The following PALD1 variants were observed in gnomAD, a reference collection of about 807,000 sequenced individuals.
PALD1 encodes the protein phosphatase domain containing paladin 1, also known as paladin.
PALD1 carries 57 observed loss-of-function variants against 96.0 expected under a neutral mutation model. The ratio of observed to expected loss-of-function variants is 0.59; its 90% confidence interval spans 0.48 to 0.74. The LOEUF (loss-of-function observed/expected upper bound fraction) is 0.74. Among genes scored for constraint, PALD1 ranks in the 30% least tolerant of loss-of-function variants. The probability of loss-of-function intolerance (pLI) is 0.00; values close to 1 mark genes in which losing one functional copy is unlikely to be tolerated. For missense variants in PALD1, 1,063 were observed against 1,143.7 expected, an observed-to-expected ratio of 0.93 and a Z score of 1.02; for synonymous variants, 464 against 473.6, an observed-to-expected ratio of 0.98 and a Z score of 0.26.
intron 1 of PALD1, among the ~76,000 whole-genome samples, chr10:70,519,975 TG>T (rs1399524485): frequency 6.6e-6 from 1 of 152,116 alleles, no homozygotes; most frequent in Admixed American, 6.6e-5. Flanking sequence ...ATCTGCTTTT[TG>T]GGGGATACAG....
At chr10:70,531,209 G>A in intron 4 of PALD1, 81 bp from the exon 5 acceptor site, 1 of 1,194,304 alleles carries the variant, frequency 8.4e-7, no homozygotes, top group Non-Finnish European at 1.2e-6. Flanking sequence ...AGCTTGGGCA[G>A]AGGCCCTGAG....
At chr10:70,517,053 A>C (rs1201708067) in intron 1 of PALD1, among the ~76,000 whole-genome samples, 2 of 152,044 alleles carry the variant, frequency 1.3e-5, no homozygotes, top group African/African-American at 4.8e-5. Flanking sequence ...GAATCACCTT[A>C]CCTTTATTGG....
Position 70,539,235 on chromosome 10 carries a change from T to C in PALD1, c.1713T>C (p.Pro571=). 6.2e-7 allele frequency: 1 copy of C among 1,610,020 alleles called. No homozygotes were observed. The highest frequency in any genetic ancestry group is 8.5e-7 in the Non-Finnish European group (1 of 1,178,512). ...GGTGGCCTGGGCCCCCTGTGGCTCC[T>C]GACCAGCTGGAGGTGAGGCCCCCTG... ...SLRWPGPPVA[P]DQLETLEAQL... Residue 571 remains proline (P), a synonymous_variant, in exon 14 of 20, where the codon CCT becomes CCC. Coordinates refer to ENST00000263563, the MANE Select transcript of PALD1 (RefSeq NM_014431.3). This position sits in a 1 kb window ranked among gnomAD's most constrained non-coding sequence, Gnocchi z 4.5.
chr10:70,484,848 C>A (rs1388722812), intron 1 of PALD1, among the ~76,000 whole-genome samples: 7 of 152,166 alleles, frequency 4.6e-5, no homozygotes, highest in African/African-American at 1.2e-4. Context: ...TGCAACTGCC[C>A]ATTCTTTTAA....
chr10:70,565,791 G>A (rs1847835956), intron 19 of PALD1, among the ~76,000 whole-genome samples: 2 of 152,142 alleles, frequency 1.3e-5, no homozygotes, highest in Admixed American at 6.5e-5. Context: ...GAGGGGTGGA[G>A]GTGGAAGGGG....
At chr10:70,483,843 C>CT (rs1845973241) in intron 1 of PALD1, among the ~76,000 whole-genome samples, 1 of 152,174 alleles carries the variant, frequency 6.6e-6, no homozygotes, top group South Asian at 2.1e-4. Context: ...GTGTCCCCGG[C>CT]TTTTTTTAGG....
chr10:70,538,805 C>A, intron 12 of PALD1, 87 bp from the exon 13 acceptor site: 1 of 1,097,738 alleles, frequency 9.1e-7, no homozygotes, highest in Non-Finnish European at 1.4e-6. Flanking sequence ...TTCCACCCCA[C>A]CCCCCGTCTG....
chr10:70,529,451 A>G (rs566488583), intron 3 of PALD1, 120 bp downstream of exon 3: 4 of 627,636 alleles, frequency 6.4e-6, no homozygotes, highest in Middle Eastern at 8.2e-4. Flanking sequence ...GCCCATTTTC[A>G]GAACGGGCAG....
intron 1 of PALD1, among the ~76,000 whole-genome samples, chr10:70,518,964 C>T (rs1487791791): frequency 1.3e-5 from 2 of 152,234 alleles, no homozygotes; most frequent in East Asian, 3.8e-4. Context: ...GGCAGTGCAG[C>T]CCAGCCAGGG....
chr10:70,531,858 C>G (rs1247810692), intron 5 of PALD1, among the ~76,000 whole-genome samples: 1 of 151,992 alleles, frequency 6.6e-6, no homozygotes, highest in Non-Finnish European at 1.5e-5. Context: ...TTGCGCATGC[C>G]TATAATCCTA....
intron 10 of PALD1, among the ~76,000 whole-genome samples, chr10:70,536,341 A>T (rs929303950): frequency 2.0e-5 from 3 of 152,064 alleles, no homozygotes; most frequent in Admixed American, 1.3e-4. Context: ...AAAAAATCCC[A>T]TACAGTACTT....
At chr10:70,489,902 G>A (rs1374303843) in intron 1 of PALD1, among the ~76,000 whole-genome samples, 2 of 151,992 alleles carry the variant, frequency 1.3e-5, no homozygotes, top group African/African-American at 4.8e-5. Context: ...ACAACATATG[G>A]GTTTTTTGTA....
chr10:70,462,884 C>G, the PALD1 span, among the ~76,000 whole-genome samples: 2 of 152,238 alleles, frequency 1.3e-5, no homozygotes, highest in African/African-American at 4.8e-5. Flanking sequence ...TGGCCACACC[C>G]AGGAGCCCCT....
chr10:70,467,610 C>T, the PALD1 span, among the ~76,000 whole-genome samples: 1 of 152,080 alleles, frequency 6.6e-6, no homozygotes, highest in African/African-American at 2.4e-5. Context: ...GTTTAGTAGC[C>T]GTATACAAGA....
intron 1 of PALD1, among the ~76,000 whole-genome samples, chr10:70,512,252 G>A (rs556153122): frequency 1.4e-4 from 22 of 152,366 alleles, no homozygotes; most frequent in African/African-American, 3.4e-4. Flanking sequence ...GCAGCTGTGT[G>A]CTCAGCTGGC....
At chr10:70,549,749 A>G (rs916562611) in intron 18 of PALD1, among the ~76,000 whole-genome samples, 2 of 152,162 alleles carry the variant, frequency 1.3e-5, no homozygotes, top group African/African-American at 4.8e-5. Flanking sequence ...TTGGAGAGGG[A>G]AGGGTAGTTG....
chr10:70,470,845 A>T, the PALD1 span, among the ~76,000 whole-genome samples: 1 of 151,914 alleles, frequency 6.6e-6, no homozygotes, highest in Admixed American at 6.6e-5. Flanking sequence ...CTTATTGTCC[A>T]GGCTGGAGTG....
chr10:70,512,957 T>C (rs138817398), intron 1 of PALD1, among the ~76,000 whole-genome samples: 121 of 152,300 alleles, frequency 7.9e-4, no homozygotes, highest in Non-Finnish European at 1.1e-3. Context: ...GGGTGGCTAA[T>C]TAGAGTGGAA....
At chr10:70,475,565 T>C (rs1338168991), upstream of PALD1, among the ~76,000 whole-genome samples, 1 of 149,550 alleles carries the variant, frequency 6.7e-6, no homozygotes, top group Non-Finnish European at 1.5e-5. Flanking sequence ...CAGGGAAGAG[T>C]GGGGAGTAGA....
Sources: allele counts gnomAD v4.1 joint callset (sites outside exome capture counted in the v4.1 genomes callset), GRCh38; gene constraint gnomAD v4.1.1; non-coding constraint Gnocchi (gnomAD v3.1); transcripts MANE v1.5; gene names NCBI Gene and HGNC (gene_info 2026-07-23, HGNC 2026-07-21).